SORCS2: variants seen among roughly 807,000 people sequenced by gnomAD.
SORCS2 encodes the protein VPS10 domain-containing receptor SorCS2.
In SORCS2, 100 loss-of-function variants were observed where a neutral mutation model predicts 141.6. The observed-to-expected ratio is 0.71, with a 90% CI of 0.60 to 0.83. The LOEUF is 0.83. Among genes scored for constraint, SORCS2 ranks in the 40% least tolerant of loss-of-function variants. The pLI, the probability that SORCS2 is intolerant of heterozygous loss-of-function variation, is 0.00. For synonymous variants in SORCS2, 789 were observed against 676.9 expected, an observed-to-expected ratio of 1.17 and a Z score of -2.57; for missense variants, 1,646 against 1,560.2, an observed-to-expected ratio of 1.05 and a Z score of -0.93.
chr4:7,626,805 T>C (rs867536521), intron 3 of SORCS2, among the ~76,000 whole-genome samples: 4 of 152,268 alleles, frequency 2.6e-5, no homozygotes, highest in African/African-American at 9.6e-5. Context: ...CGTCTTGTCC[T>C]GTCCACAGTC....
At chr4:7,659,359 C>A (rs1367460642) in intron 5 of SORCS2, among the ~76,000 whole-genome samples, 1 of 152,062 alleles carries the variant, frequency 6.6e-6, no homozygotes, top group Admixed American at 6.5e-5. Flanking sequence ...AATATGACAC[C>A]AAAATTGGAC....
chr4:7,733,196 G>A, intron 23 of SORCS2, 126 bp from the exon 24 acceptor site: 2 of 394,384 alleles, frequency 5.1e-6, no homozygotes, highest in Admixed American at 1.5e-4. Flanking sequence ...CTCTCCTCCT[G>A]GTAGAAGACC....
chr4:7,652,536 G>C (rs1471315290), intron 4 of SORCS2, among the ~76,000 whole-genome samples: 1 of 152,060 alleles, frequency 6.6e-6, no homozygotes, highest in Admixed American at 6.5e-5. Flanking sequence ...CTAGGAGTGG[G>C]CTCCCTGAGT....
intron 14 of SORCS2, among the ~76,000 whole-genome samples, chr4:7,709,836 G>A (rs1257977925): frequency 6.6e-6 from 1 of 152,206 alleles, no homozygotes; most frequent in Non-Finnish European, 1.5e-5. Flanking sequence ...CCTCAGAGCA[G>A]GGAGGGGTCC....
chr4:7,574,554 C>T (rs954951147), intron 3 of SORCS2, among the ~76,000 whole-genome samples: 4 of 148,354 alleles, frequency 2.7e-5, no homozygotes, highest in East Asian at 4.0e-4. Flanking sequence ...AGGAGAGAGA[C>T]AGGGGGAAGG....
At chr4:7,678,072 A>T (rs959524651) in intron 9 of SORCS2, among the ~76,000 whole-genome samples, 1 of 152,168 alleles carries the variant, frequency 6.6e-6, no homozygotes, top group Non-Finnish European at 1.5e-5. Flanking sequence ...CTCGGGACAC[A>T]GGCTGGGTAC....
At chr4:7,671,941 C>CT (rs34912914) in intron 8 of SORCS2, among the ~76,000 whole-genome samples, 2,395 of 128,566 alleles carry the variant, frequency 0.019, 36 homozygotes, top group Non-Finnish European at 0.027. Flanking sequence ...AAGACAGAAA[C>CT]TTTTTTTTTT....
chr4:7,403,961 G>GTATATATATATATATA (rs71635960), intron 2 of SORCS2, among the ~76,000 whole-genome samples: 75 of 29,678 alleles, frequency 2.5e-3, no homozygotes, highest in Non-Finnish European at 3.5e-3. Context: ...CTCCATGTGT[G>GTATATATATATATATA]TATATATATA....
intron 1 of SORCS2, among the ~76,000 whole-genome samples, chr4:7,357,684 T>C (rs965033585): frequency 2.6e-5 from 4 of 152,144 alleles, no homozygotes; most frequent in Admixed American, 2.6e-4. Context: ...CAAATACCTT[T>C]CTTGGTTGAG....
chr4:7,650,644 C>A (rs1405450914), intron 4 of SORCS2, among the ~76,000 whole-genome samples: 3 of 152,206 alleles, frequency 2.0e-5, no homozygotes, highest in African/African-American at 7.2e-5. Context: ...GAAACTGACT[C>A]AGAGGCCATG....
At chr4:7,734,683 C>T (rs1286940803) in intron 25 of SORCS2, among the ~76,000 whole-genome samples, 1 of 152,214 alleles carries the variant, frequency 6.6e-6, no homozygotes, top group African/African-American at 2.4e-5. Flanking sequence ...GGACACTGCC[C>T]ATCTCACAGA....
rs752813114 is a variant in SORCS2, at chr4:7,718,065, G to A, written c.2306G>A (p.Ser769Asn). The A allele has an allele frequency of 1.2e-6, 2 of 1,611,044 alleles. No homozygotes were observed. Among genetic ancestry groups the A allele is most frequent in the Non-Finnish European group, 1.7e-6 (2 of 1,178,762 alleles). ...GAGGGTGGGGTGGACATGCAGCAGA[G>A]TCAGGTGCAGCTGCAGTGCCCCCTC... ...VCEGGVDMQQ[S>N]QVQLQCPLTP... is the part of the protein sequence containing the mutation. The change falls in exon 18 of 27, where the codon AGT becomes AAT. Residue 769 changes from serine (S) to asparagine (N), a missense_variant. Physicochemically the swap from Ser to Asn is conservative, Grantham distance 46. Coordinates refer to ENST00000507866, the MANE Select transcript of SORCS2 (RefSeq NM_020777.3).
chr4:7,403,961 GTATATATA>G (rs71635960), intron 2 of SORCS2, among the ~76,000 whole-genome samples: 2 of 29,902 alleles, frequency 6.7e-5, no homozygotes, highest in South Asian at 7.1e-4. Context: ...CTCCATGTGT[GTATATATA>G]TATATATATA....
chr4:7,255,351 T>C (rs191811714), intron 1 of SORCS2, among the ~76,000 whole-genome samples: 73 of 152,246 alleles, frequency 4.8e-4, no homozygotes, highest in African/African-American at 1.6e-3. Flanking sequence ...CTTCATATTG[T>C]GCCGTAGTTC....
At chr4:7,388,048 A>G (rs1034152257) in intron 1 of SORCS2, among the ~76,000 whole-genome samples, 41 of 150,230 alleles carry the variant, frequency 2.7e-4, no homozygotes, top group African/African-American at 1.0e-3. Flanking sequence ...GCACACACAC[A>G]TGCACACACA....
intron 2 of SORCS2, among the ~76,000 whole-genome samples, chr4:7,413,585 G>A (rs1331276871): frequency 1.3e-5 from 2 of 151,854 alleles, no homozygotes; most frequent in Admixed American, 1.3e-4. Flanking sequence ...ATGGGGTTTT[G>A]CCACATTGGC....
chr4:7,301,515 G>A (rs1046041322), intron 1 of SORCS2, among the ~76,000 whole-genome samples: 1 of 152,320 alleles, frequency 6.6e-6, no homozygotes, highest in Non-Finnish European at 1.5e-5. Flanking sequence ...CAGGCGCTGG[G>A]CTGACCCCTG....
intron 3 of SORCS2, among the ~76,000 whole-genome samples, chr4:7,543,162 A>G (rs565146353): frequency 4.0e-4 from 61 of 152,332 alleles, no homozygotes; most frequent in African/African-American, 1.4e-3. Context: ...ATGGTGGGTG[A>G]TGAGATCACA....
rs190930887 is a variant in SORCS2 at position 7,255,836 on chromosome 4, G to T, written c.480+62710G>T. Among the ~76,000 whole-genome samples the T allele has an allele frequency of 1.3e-4, 20 of 150,342 alleles. 1 individual carries two copies. The East Asian group carries it at 3.8e-3, about 28-fold the overall frequency. On this transcript the variant is annotated intron_variant, in intron 1 of 26. Transcript: ENST00000507866. ...CCGGGGTTGGAGCGTGGGGACCCGG[G>T]GTTGGTGCGTGGGGACCCGGGGCTG...
Sources: allele counts gnomAD v4.1 joint callset (sites outside exome capture counted in the v4.1 genomes callset), GRCh38; gene constraint gnomAD v4.1.1; transcripts MANE v1.5; gene names NCBI Gene and HGNC (gene_info 2026-07-23, HGNC 2026-07-21).